The following PTPN3 variants were observed in gnomAD, a reference collection of about 807,000 sequenced individuals.
PTPN3 encodes tyrosine-protein phosphatase non-receptor type 3.
In PTPN3, 96 loss-of-function variants were observed where a neutral mutation model predicts 132.7. The ratio of observed to expected loss-of-function variants is 0.72; its 90% CI spans 0.61 to 0.86. The LOEUF (loss-of-function observed/expected upper bound fraction) is 0.86. Among genes scored for constraint, PTPN3 ranks in the 40% least tolerant of loss-of-function variants. The pLI, the probability that PTPN3 is intolerant of heterozygous loss-of-function variation, is 0.00. For missense variants in PTPN3, 1,125 were observed against 1,159.6 expected, an observed-to-expected ratio of 0.97 and a Z score of 0.43; for synonymous variants, 398 against 429.0, an observed-to-expected ratio of 0.93 and a Z score of 0.89.
intron 23 of PTPN3, 71 bp downstream of exon 23, chr9:109,383,352 A>C (rs1588284879): frequency 3.7e-6 from 6 of 1,612,354 alleles, no homozygotes; most frequent in Non-Finnish European, 5.1e-6. Context: ...TAGAAGCGTG[A>C]CCACCTGGGA....
the PTPN3 span, chr9:109,534,374 G>C: frequency 1.4e-6 from 2 of 1,478,696 alleles, no homozygotes; most frequent in African/African-American, 2.8e-5. Context: ...GGCAGCTGCG[G>C]CTCCTCCCGG....
the PTPN3 span, among the ~76,000 whole-genome samples, chr9:109,522,615 T>C: frequency 6.6e-6 from 1 of 152,228 alleles, no homozygotes; most frequent in Admixed American, 6.5e-5. Context: ...GCTAGTGGCA[T>C]TGTAAACTGC....
chr9:109,533,773 C>T, the PTPN3 span: 2 of 1,308,270 alleles, frequency 1.5e-6, no homozygotes, highest in African/African-American at 1.5e-5. Context: ...TGCTGTAGGG[C>T]CGGCGTGGTT....
intron 19 of PTPN3, among the ~76,000 whole-genome samples, chr9:109,394,603 C>T (rs931447297): frequency 5.3e-5 from 8 of 151,778 alleles, no homozygotes; most frequent in Non-Finnish European, 7.4e-5. Flanking sequence ...CCACCACATC[C>T]GGCTAATTTT....
chr9:109,446,418 GC>G lies in PTPN3; in HGVS notation c.414-1127del, dbSNP rs571271688. 1.8e-3 allele frequency among the ~76,000 whole-genome samples: 279 copies of G among 152,278 alleles called. 1 individual carries two copies. The highest frequency in any genetic ancestry group is 6.2e-3 in the African/African-American group (259 of 41,550). On this transcript the variant is annotated intron_variant, in intron 6 of 25. Transcript: ENST00000374541. ...GAAGTCGACTTTCCCTATCTGAGGGGCCCCCATTGTTCCTCAAGTGATGCTG... is the reference window on the plus strand; with the variant it reads ...GAAGTCGACTTTCCCTATCTGAGGGGCCCCATTGTTCCTCAAGTGATGCTG...
rs772402348 is a variant in PTPN3 at position 109,404,482 on chromosome 9, C to T, written c.1919G>A (p.Gly640Asp). 1.3e-6 allele frequency: 2 copies of T among 1,531,208 alleles called. No individual in the cohort carries two copies. Among genetic ancestry groups the T allele is most frequent in the Admixed American group, 3.6e-5 (2 of 56,012 alleles). The allele number at this position is 1,531,208 out of a possible 1,614,324, so 94.9% of individuals were successfully genotyped here. Residue 640 changes from glycine to aspartate, a missense_variant, in exon 19 of 26, where the codon GGC becomes GAC. By Grantham distance (94) the Gly-to-Asp change is moderately conservative. Transcript: ENST00000374541. ...GATCAGCACCGTCCCGCTTTCGAGG[C>T]CCTTCTTTAGCTGTGCCATGGATCC... ...LEGSMAQLKK[G>D]LESGTVLIQF...
intron 25 of PTPN3, among the ~76,000 whole-genome samples, chr9:109,380,232 T>TCTATCTAG (rs1326033349): frequency 3.3e-5 from 5 of 151,762 alleles, no homozygotes; most frequent in Admixed American, 2.0e-4. Flanking sequence ...TATCTATCTA[T>TCTATCTAG]CTATCTATCT....
intron 21 of PTPN3, 143 bp from the exon 22 acceptor site, chr9:109,389,522 A>T: frequency 3.5e-6 from 3 of 868,466 alleles, no homozygotes; most frequent in Non-Finnish European, 5.0e-6. Flanking sequence ...AAGGAAAATC[A>T]AACAAGTTAT....
intron 7 of PTPN3, among the ~76,000 whole-genome samples, chr9:109,438,592 C>T (rs1047809349): frequency 6.6e-6 from 1 of 152,196 alleles, no homozygotes; most frequent in African/African-American, 2.4e-5. Flanking sequence ...ATAAAGAGAA[C>T]CCACTGGGGG....
intron 5 of PTPN3, among the ~76,000 whole-genome samples, chr9:109,453,442 T>C (rs1309706505): frequency 6.6e-6 from 1 of 152,180 alleles, no homozygotes; most frequent in Non-Finnish European, 1.5e-5. Flanking sequence ...AGGGAAAGTT[T>C]GTTTGTGCAG....
At chr9:109,537,515 C>T in the PTPN3 span, among the ~76,000 whole-genome samples, 8 of 134,722 alleles carry the variant, frequency 5.9e-5, no homozygotes, top group Admixed American at 1.5e-4. Context: ...TTTTCTTTCT[C>T]TCTGTCTGCC....
intron 1 of PTPN3, among the ~76,000 whole-genome samples, chr9:109,479,602 A>T (rs886771335): frequency 2.0e-5 from 3 of 152,232 alleles, no homozygotes; most frequent in African/African-American, 7.2e-5. Context: ...TTTGAGACAC[A>T]GTCTTCCTCT....
At position 109,489,217 on chromosome 9, in the gene PTPN3, G is replaced by A. The variant is rs115515503; in HGVS notation, c.-18+9002C>T. ...CATCCAGCCAGGGTATGTGAGTGAC[G>A]TTCCAGACTCTGCCAGTCCTTGTGG... is the stretch of plus-strand genomic sequence containing the variant. On this transcript the variant is annotated intron_variant, in intron 1 of 25. Coordinates refer to ENST00000374541, the MANE Select transcript of PTPN3 (RefSeq NM_002829.4). Among the ~76,000 whole-genome samples, 898 of 152,270 alleles carry A rather than the reference G, an allele frequency of 5.9e-3. 8 individuals carry two copies. Among genetic ancestry groups the A allele is most frequent in the African/African-American group, 0.019 (800 of 41,560 alleles).
intron 1 of PTPN3, among the ~76,000 whole-genome samples, chr9:109,479,232 CTGCCTCTACGAATT>C (rs112831268): frequency 0.022 from 3,386 of 152,264 alleles, 117 homozygotes; most frequent in African/African-American, 0.076. Flanking sequence ...AATCTACTTT[CTGCCTCTACGAATT>C]TGCCTAGTCT....
the PTPN3 span, among the ~76,000 whole-genome samples, chr9:109,526,564 A>C: frequency 6.6e-6 from 1 of 152,120 alleles, no homozygotes; most frequent in East Asian, 1.9e-4. Context: ...GGTCCCAGCT[A>C]TGTGGGAGGC....
At chr9:109,448,470 G>C (rs1845010639) in intron 6 of PTPN3, among the ~76,000 whole-genome samples, 1 of 152,162 alleles carries the variant, frequency 6.6e-6, no homozygotes, top group African/African-American at 2.4e-5. Flanking sequence ...GGGCTCAAAA[G>C]TGGACCCAAA....
chr9:109,449,856 T>C (rs1343358070), intron 5 of PTPN3: 14 of 985,308 alleles, frequency 1.4e-5, no homozygotes, highest in Non-Finnish European at 1.7e-5. Flanking sequence ...GCCAAGGAAC[T>C]GGCTTTTTGA....
At chr9:109,491,270 T>C (rs1353901317) in intron 1 of PTPN3, among the ~76,000 whole-genome samples, 1 of 152,158 alleles carries the variant, frequency 6.6e-6, no homozygotes, top group Non-Finnish European at 1.5e-5. Context: ...TATTAATTTA[T>C]TGATTCTAAA....
chr9:109,443,603 C>T (rs1844645446), intron 7 of PTPN3, among the ~76,000 whole-genome samples: 1 of 152,336 alleles, frequency 6.6e-6, no homozygotes, highest in East Asian at 1.9e-4. Flanking sequence ...ACCAAACTTG[C>T]TCTGAGACAT....
Sources: gnomAD v4.1 joint callset for allele counts (sites outside exome capture counted in the v4.1 genomes callset) on GRCh38, gnomAD v4.1.1 for gene constraint, MANE v1.5 for transcripts, NCBI Gene and HGNC (gene_info 2026-07-23, HGNC 2026-07-21) for gene names.